Variants in TRHDE observed in about 807,000 individuals in gnomAD.
The protein encoded by TRHDE is thyrotropin releasing hormone degrading enzyme.
A neutral mutation model predicts 125.7 loss-of-function variants in TRHDE; 72 were observed. That is an observed-to-expected ratio of 0.57 (90% confidence interval 0.47 to 0.70). The LOEUF is 0.70. TRHDE is among the 30% of genes least tolerant of loss of function. TRHDE has a pLI of 0.00. For synonymous variants in TRHDE, 509 were observed against 509.1 expected (o/e 1.00, Z 0.00); for missense variants, 1,110 against 1,327.1 (o/e 0.84, Z 2.54).
chr12:72,611,525 A>C (rs1872634184), intron 12 of TRHDE, among the ~76,000 whole-genome samples: 1 of 152,178 alleles, frequency 6.6e-6, no homozygotes, highest in Non-Finnish European at 1.5e-5. Flanking sequence ...ACCTTTTTGC[A>C]CTTTCAACTT....
chr12:72,494,511 A>G (rs992925954), intron 5 of TRHDE, among the ~76,000 whole-genome samples: 4 of 151,960 alleles, frequency 2.6e-5, no homozygotes, highest in Non-Finnish European at 4.4e-5. Flanking sequence ...TTTTTTGGTG[A>G]CAAAGTCAAA....
chr12:72,439,164 T>C (rs1028456959), intron 3 of TRHDE, among the ~76,000 whole-genome samples: 1 of 151,960 alleles, frequency 6.6e-6, no homozygotes, highest in South Asian at 2.1e-4. Flanking sequence ...TATGGTTCTG[T>C]TTTTTCCCCT....
chr12:72,592,424 G>A (rs1186439775), intron 12 of TRHDE, among the ~76,000 whole-genome samples: 1 of 152,044 alleles, frequency 6.6e-6, no homozygotes, highest in Admixed American at 6.6e-5. Context: ...ACTCGCATTA[G>A]TTCCAACATC....
chr12:72,643,269 G>C (rs1412421611), intron 15 of TRHDE, among the ~76,000 whole-genome samples: 1 of 152,188 alleles, frequency 6.6e-6, no homozygotes, highest in East Asian at 1.9e-4. Flanking sequence ...AGCTGAGACT[G>C]AGGACTATTT....
intron 2 of TRHDE, among the ~76,000 whole-genome samples, chr12:72,240,305 T>TTA (rs56969276): frequency 0.034 from 3,783 of 111,286 alleles, 77 homozygotes; most frequent in African/African-American, 0.055. Flanking sequence ...TTCTCACATT[T>TTA]TATATATATA....
chr12:72,533,177 T>C (rs1301755008), intron 6 of TRHDE, among the ~76,000 whole-genome samples: 1 of 145,478 alleles, frequency 6.9e-6, no homozygotes, highest in Admixed American at 6.9e-5. Flanking sequence ...GAGAAAATTC[T>C]TTTTTTTTTT....
intron 2 of TRHDE, among the ~76,000 whole-genome samples, chr12:72,308,632 T>TGATATATTTTACACA (rs1399944797): frequency 6.6e-6 from 1 of 152,214 alleles, no homozygotes; most frequent in South Asian, 2.1e-4. Flanking sequence ...TATCAGTAGC[T>TGATATATTTTACACA]GTAAAAATGC....
chr12:72,298,550 T>C (rs1880389827), intron 2 of TRHDE, among the ~76,000 whole-genome samples: 1 of 152,194 alleles, frequency 6.6e-6, no homozygotes, highest in East Asian at 1.9e-4. Context: ...TGGCCAAGCC[T>C]TTATAATCCA....
chr12:72,354,372 A>G (rs1870719141), intron 2 of TRHDE, among the ~76,000 whole-genome samples: 1 of 151,468 alleles, frequency 6.6e-6, no homozygotes, highest in Non-Finnish European at 1.5e-5. Flanking sequence ...AGTAGTAAGA[A>G]TAAAAATCTG....
chr12:72,276,434 C>T (rs1285630604), intron 1 of TRHDE, among the ~76,000 whole-genome samples: 1 of 152,170 alleles, frequency 6.6e-6, no homozygotes, highest in Non-Finnish European at 1.5e-5. Context: ...CTTCTCTTAG[C>T]CTATGTGGAA....
chr12:72,252,771 G>T (rs1878714129), intron 2 of TRHDE, among the ~76,000 whole-genome samples: 1 of 152,010 alleles, frequency 6.6e-6, no homozygotes, highest in Non-Finnish European at 1.5e-5. Context: ...TGTGACTATA[G>T]TATGTCTCTC....
Position 72,286,725 on chromosome 12 carries a change from C to T in TRHDE, c.959C>T (p.Ala320Val). 1 of 1,613,916 alleles carries T rather than the reference C, an allele frequency of 6.2e-7. No homozygotes were observed. Among genetic ancestry groups the T allele is most frequent in the East Asian group, 2.2e-5 (1 of 44,858 alleles). The change falls in exon 2 of 19, where the codon GCA becomes GTA. Residue 320 changes from alanine (A) to valine (V), a missense_variant. Around this residue, in one of 5 missense-constraint regions of TRHDE, gnomAD observed 252 missense variants for 274.8 expected, o/e 0.92. Coordinates refer to ENST00000261180, the MANE Select transcript of TRHDE (RefSeq NM_013381.3). Reference protein sequence around the residue: ...TQFSPTHARKAFPCFDEPIYK... With the variant: ...TQFSPTHARKVFPCFDEPIYK... ...TTTTCGCCTACACATGCCAGAAAGG[C>T]ATTTCCTTGTTTTGATGAGCCAATC...
chr12:72,409,113 C>G (rs892917057), intron 3 of TRHDE, among the ~76,000 whole-genome samples: 3 of 152,062 alleles, frequency 2.0e-5, no homozygotes, highest in Non-Finnish European at 4.4e-5. Flanking sequence ...CAGTGCACCA[C>G]ATACAAGTTA....
intron 2 of TRHDE, among the ~76,000 whole-genome samples, chr12:72,220,515 T>C (rs1433251003): frequency 6.6e-6 from 1 of 152,090 alleles, no homozygotes; most frequent in Non-Finnish European, 1.5e-5. Flanking sequence ...CTATCATCAC[T>C]TTCCAATCTG....
intron 2 of TRHDE, among the ~76,000 whole-genome samples, chr12:72,325,324 G>T (rs1345079331): frequency 6.6e-6 from 1 of 152,008 alleles, no homozygotes; most frequent in Non-Finnish European, 1.5e-5. Flanking sequence ...CCACTAAAGA[G>T]ATTTAGATTT....
At position 72,273,210 on chromosome 12, in the gene TRHDE, C is replaced by T. The variant is rs1879325982; in HGVS notation, c.567C>T (p.His189=). 1 of 1,606,506 alleles carries T rather than the reference C, an allele frequency of 6.2e-7. No individual in the cohort carries two copies. Among genetic ancestry groups the T allele is most frequent in the Non-Finnish European group, 8.5e-7 (1 of 1,174,392 alleles). Residue 189 remains histidine (H), a synonymous_variant, in exon 1 of 19, where the codon CAC becomes CAT. Transcript: ENST00000261180. The surrounding 1 kb of genome is among the most constrained non-coding windows in gnomAD (Gnocchi z 5.3). The part of the protein sequence containing the change: ...EPWTQLRLSG[H]LKPLHYNLML... Reference sequence around the variant, plus strand: ...GGACGCAGCTGCGCCTGTCGGGCCACCTGAAGCCGCTGCACTACAATCTGA... The same window carrying T: ...GGACGCAGCTGCGCCTGTCGGGCCATCTGAAGCCGCTGCACTACAATCTGA...
At chr12:72,535,805 A>G (rs1445245234) in intron 6 of TRHDE, among the ~76,000 whole-genome samples, 2 of 152,160 alleles carry the variant, frequency 1.3e-5, no homozygotes, top group African/African-American at 4.8e-5. Flanking sequence ...ACATTGTTTT[A>G]TTTCCACATA....
intron 12 of TRHDE, among the ~76,000 whole-genome samples, chr12:72,590,554 T>A (rs1048590338): frequency 2.0e-5 from 3 of 152,196 alleles, no homozygotes; most frequent in Non-Finnish European, 4.4e-5. Context: ...GATTAATTGA[T>A]GTTTTTATCA....
chr12:72,131,028 T>A (rs1357876313), intron 2 of TRHDE, among the ~76,000 whole-genome samples: 3 of 151,900 alleles, frequency 2.0e-5, no homozygotes, highest in Non-Finnish European at 4.4e-5. Context: ...CGATGTCTGT[T>A]TCTATTGTTT....
Sources: allele counts gnomAD v4.1 joint callset (sites outside exome capture counted in the v4.1 genomes callset), GRCh38; gene constraint gnomAD v4.1.1; regional missense constraint gnomAD v4.1.1; non-coding constraint Gnocchi (gnomAD v3.1); transcripts MANE v1.5; gene names NCBI Gene and HGNC (gene_info 2026-07-23, HGNC 2026-07-21).